Variants in ECT2 observed in about 807,000 individuals in gnomAD.
The protein encoded by ECT2 is protein ECT2.
ECT2 carries 61 observed loss-of-function variants against 116.9 expected under a neutral mutation model. That is an observed-to-expected ratio of 0.52 (90% CI 0.42 to 0.65). The LOEUF (loss-of-function observed/expected upper bound fraction) is 0.65, where lower values mean the gene tolerates loss of function less well. Among genes scored for constraint, ECT2 ranks in the 30% least tolerant of loss-of-function variants. The pLI, the probability that ECT2 is intolerant of heterozygous loss-of-function variation, is 0.00. For missense variants in ECT2, 937 were observed against 1,078.7 expected (o/e 0.87, Z 1.84); for synonymous variants, 358 against 346.4 (o/e 1.03, Z -0.37).
In ECT2 at chr3:172,755,441, T is replaced by A. The variant is rs139146534; in HGVS notation, c.211-42T>A. The A allele has an allele frequency of 2.2e-5, 33 of 1,524,410 alleles. No individual in the cohort carries two copies. The African/African-American group carries it at 3.8e-4, about 18-fold the overall frequency. The allele number at this position is 1,524,410 out of a possible 1,614,324, so 94.4% of individuals were successfully genotyped here. A position where few individuals can be genotyped will look rare whatever the true frequency, so the allele number is the denominator to read the frequency against. ...TTCTTCCATCAGTGTGTAAATAGTT[T>A]CATAGCTTTCTTAACCTCATACTTA... On this transcript the variant is annotated intron_variant, in intron 3 of 24. Transcript: ENST00000392692.
chr3:172,828,615 CTT>C, the ECT2 span: 3,775 of 154,270 alleles, frequency 0.024, no homozygotes, highest in East Asian at 0.036. Context: ...AAACTGGTAT[CTT>C]TTTTTTTTTT....
At chr3:172,803,256 A>G (rs907375653) in intron 20 of ECT2, among the ~76,000 whole-genome samples, 2 of 152,230 alleles carry the variant, frequency 1.3e-5, no homozygotes. Flanking sequence ...AAGAAATCTG[A>G]TAACTTCTTG....
rs1376693561 is a variant in ECT2, at chr3:172,755,313, A to C, written c.149A>C (p.Glu50Ala). The change falls in exon 3 of 25, where the codon GAA (glutamate) becomes GCA (alanine). Residue 50 changes from glutamate (E) to alanine (A), a missense_variant. Transcript: ENST00000392692. ...TTAACAGAAGAGATGCCTCAGATTG[A>C]AACAAGAGTGATATTGGTTCAAGAA... ...SYVEEEMPQI[E>A]TRVILVQEAG... 6.2e-7 allele frequency: 1 copy of C among 1,605,222 alleles called. No homozygotes were observed. Among genetic ancestry groups the C allele is most frequent in the South Asian group, 1.1e-5 (1 of 88,782 alleles).
At chr3:172,794,289 T>C (rs1725220606) in intron 18 of ECT2, among the ~76,000 whole-genome samples, 1 of 152,220 alleles carries the variant, frequency 6.6e-6, no homozygotes, top group Admixed American at 6.5e-5. Context: ...ATATGGGGCA[T>C]GGTATAGATT....
At position 172,816,046 on chromosome 3, in the gene ECT2, A is replaced by G. The variant is rs548235089; in HGVS notation, c.2508+335A>G. Among the ~76,000 whole-genome samples, 4 of 152,290 alleles carry G rather than the reference A, an allele frequency of 2.6e-5. No individual in the cohort carries two copies. The South Asian group carries it at 6.2e-4, about 24-fold the overall frequency. ...TTTCAGCAAAGGGCACACGGTAGTCAGGGGACCTGACTATCTATTCCTGAC... is the reference window on the plus strand; with the variant it reads ...TTTCAGCAAAGGGCACACGGTAGTCGGGGGACCTGACTATCTATTCCTGAC... On this transcript the variant is annotated intron_variant, in intron 23 of 24. Coordinates refer to ENST00000392692, the MANE Select transcript of ECT2 (RefSeq NM_001258315.2).
intron 13 of ECT2, 96 bp from the exon 14 acceptor site, chr3:172,773,807 C>A: frequency 8.2e-7 from 1 of 1,225,686 alleles, no homozygotes; most frequent in Non-Finnish European, 1.1e-6. Context: ...TTACTTCCTT[C>A]TCTATTAATA....
chr3:172,803,113 C>T (rs1183891911), intron 20 of ECT2, 133 bp downstream of exon 20: 10 of 832,576 alleles, frequency 1.2e-5, no homozygotes, highest in African/African-American at 3.5e-5. Context: ...TTAAAAAAAT[C>T]GAGGACAATT....
chr3:172,761,334 G>A (rs17757815), intron 7 of ECT2, among the ~76,000 whole-genome samples: 70,439 of 151,950 alleles, frequency 0.46, 19,453 homozygotes, highest in East Asian at 0.69. Context: ...GGAAGTAAAC[G>A]TGAAGAAAGG....
intron 23 of ECT2, 32 bp downstream of exon 23, chr3:172,815,743 T>A (rs1729583631): frequency 7.7e-7 from 1 of 1,305,180 alleles, no homozygotes; most frequent in Non-Finnish European, 1.1e-6. Flanking sequence ...ATTTAGCACA[T>A]CTCTAACATA....
chr3:172,807,972 G>T lies in ECT2; in HGVS notation c.2400+48G>T, dbSNP rs753925881. On this transcript the variant is annotated intron_variant, in intron 22 of 24. Coordinates refer to ENST00000392692, the MANE Select transcript of ECT2 (RefSeq NM_001258315.2). ...TAATGAAAGTTTAAATTTCATGACAGTGCATTCAGACTAAACCTGTACATT... is the reference window on the plus strand; with the variant it reads ...TAATGAAAGTTTAAATTTCATGACATTGCATTCAGACTAAACCTGTACATT... 3.9e-6 allele frequency: 6 copies of T among 1,554,932 alleles called. No individual in the cohort carries two copies. In the African/African-American group the frequency reaches 8.2e-5, roughly 21 times the overall value.
downstream of ECT2, among the ~76,000 whole-genome samples, chr3:172,823,903 T>C (rs1333292115): frequency 2.0e-5 from 3 of 150,026 alleles, no homozygotes; most frequent in Non-Finnish European, 4.4e-5. Flanking sequence ...GTGATACATA[T>C]TTTTCTTTCT....
chr3:172,805,119 C>T (rs2109074102), intron 20 of ECT2, among the ~76,000 whole-genome samples: 1 of 152,086 alleles, frequency 6.6e-6, no homozygotes, highest in Admixed American at 6.6e-5. Flanking sequence ...CTGATAAAAA[C>T]CTATAGCCAT....
intron 22 of ECT2, among the ~76,000 whole-genome samples, chr3:172,809,049 T>C (rs972371594): frequency 2.6e-5 from 4 of 152,116 alleles, no homozygotes; most frequent in Admixed American, 2.0e-4. Flanking sequence ...TTGTTATAAA[T>C]CTTTCAAAAC....
intron 5 of ECT2, among the ~76,000 whole-genome samples, chr3:172,758,487 A>G (rs1717532241): frequency 2.0e-5 from 3 of 148,728 alleles, no homozygotes; most frequent in African/African-American, 7.8e-5. Context: ...ACACACACAG[A>G]CACACACACA....
At chr3:172,825,721 AAGAAATGGTCT>A (rs1156799608), downstream of ECT2, among the ~76,000 whole-genome samples, 15 of 152,320 alleles carry the variant, frequency 9.8e-5, no homozygotes, top group East Asian at 2.9e-3. Context: ...TTCATGAGGA[AAGAAATGGTCT>A]CCAAAACATA....
At chr3:172,787,068 T>C (rs1314318339) in intron 18 of ECT2, among the ~76,000 whole-genome samples, 1 of 152,118 alleles carries the variant, frequency 6.6e-6, no homozygotes, top group Non-Finnish European at 1.5e-5. Context: ...TCTGGGGAGT[T>C]TGGTCATAAA....
chr3:172,757,072 G>T lies in ECT2; in HGVS notation c.393G>T (p.Thr131=). 1.9e-6 allele frequency: 3 copies of T among 1,610,466 alleles called. No homozygotes were observed. The highest frequency in any genetic ancestry group is 2.5e-6 in the Non-Finnish European group (3 of 1,178,734). Reference sequence around the variant, plus strand: ...AATTTGAAAATGTATTTGTAGTCACGGACTTTCAGGATTCTGTCTTTAATG... The same window carrying T: ...AATTTGAAAATGTATTTGTAGTCACTGACTTTCAGGATTCTGTCTTTAATG... ...SPEFENVFVV[T]DFQDSVFNDL... is the part of the protein sequence containing the mutation. Residue 131 remains threonine, a synonymous_variant, in exon 5 of 25, where the codon ACG becomes ACT. Transcript: ENST00000392692.
In ECT2 at chr3:172,820,923, A is replaced by T. The variant is rs189510637; in HGVS notation, c.*686A>T. 3.3e-5 allele frequency: 5 copies of T among 152,068 alleles called. No individual in the cohort carries two copies. The highest frequency in any genetic ancestry group is 2.6e-4 in the Admixed American group (4 of 15,278). The allele number at this position is 152,068 out of a possible 1,614,324, so 9.4% of individuals were successfully genotyped here. A position where few individuals can be genotyped will look rare whatever the true frequency, so the allele number is the denominator to read the frequency against. On this transcript the variant is annotated 3_prime_UTR_variant, in exon 25 of 25. Coordinates refer to ENST00000392692, the MANE Select transcript of ECT2 (RefSeq NM_001258315.2). ...ACATTGTATATTTTGCAAAAACAAG[A>T]TGTTTGTAGCTGTTTCAGAGAGAGT...
intron 24 of ECT2, chr3:172,818,671 T>G (rs1730199061): frequency 1.6e-6 from 2 of 1,289,402 alleles, no homozygotes; most frequent in Non-Finnish European, 1.0e-6. Flanking sequence ...TCATTCTGCT[T>G]TCCGAGCTAG....
Sources: allele counts gnomAD v4.1 joint callset (sites outside exome capture counted in the v4.1 genomes callset), GRCh38; gene constraint gnomAD v4.1.1; transcripts MANE v1.5; gene names NCBI Gene and HGNC (gene_info 2026-07-23, HGNC 2026-07-21).